Variants in SMARCA1 observed in about 807,000 individuals in gnomAD.
SMARCA1 encodes the protein SWI/SNF-related matrix-associated actin-dependent regulator of chromatin subfamily A member 1.
SMARCA1 carries 17 observed loss-of-function variants against 93.6 expected under a neutral mutation model. That is an observed-to-expected ratio of 0.18 (90% CI 0.12 to 0.27). SMARCA1 has a LOEUF of 0.27. Ranked by LOEUF, SMARCA1 falls within the 10% of genes least tolerant of loss-of-function variation. The pLI is 1.00. For synonymous variants in SMARCA1, 271 were observed against 271.4 expected (o/e 1.00, Z 0.01); for missense variants, 630 against 819.0 (o/e 0.77, Z 2.82).
intron 19 of SMARCA1, among the ~76,000 whole-genome samples, chrX:129,478,762 G>C (rs1484761137): frequency 1.8e-5 from 2 of 112,263 alleles, no homozygotes; most frequent in Admixed American, 1.9e-4. Flanking sequence ...AGTTATATCA[G>C]AGATGATTTT....
At chrX:129,504,938 C>A in intron 8 of SMARCA1, 136 bp from the exon 9 acceptor site, 1 of 432,653 alleles carries the variant, frequency 2.3e-6, no homozygotes, top group Non-Finnish European at 4.0e-6. Context: ...GCTGTGATAG[C>A]TACTATTATT....
chrX:129,491,753 T>C (rs1934138613), intron 14 of SMARCA1, among the ~76,000 whole-genome samples, 188 bp downstream of exon 14: 1 of 112,138 alleles, frequency 8.9e-6, no homozygotes, highest in South Asian at 3.7e-4. Context: ...GGTGTGTTTG[T>C]TGTTCGCTTT....
chrX:129,466,401 T>G (rs1349362736), intron 21 of SMARCA1, among the ~76,000 whole-genome samples: 1 of 111,716 alleles, frequency 9.0e-6, no homozygotes, highest in Non-Finnish European at 1.9e-5. Context: ...CACACTGTAA[T>G]CCCAGCACTT....
intron 10 of SMARCA1, among the ~76,000 whole-genome samples, chrX:129,499,015 T>C (rs1296859425): frequency 9.1e-6 from 1 of 109,815 alleles, no homozygotes; most frequent in Non-Finnish European, 1.9e-5. Context: ...ATGGTTATAA[T>C]TATTTTCACT....
chrX:129,501,543 G>A lies in SMARCA1; in HGVS notation c.1168-1702C>T, dbSNP rs376610265. ...ACTCCTGAGCTCAGGCAATCTGCCC[G>A]CCTCGACCTCCCAAAGTGCTAGGAT... On this transcript the variant is annotated intron_variant, in intron 9 of 24. Transcript: ENST00000371121. Among the ~76,000 whole-genome samples the A allele has an allele frequency of 5.5e-5, 6 of 109,493 alleles. No homozygotes were observed. In the East Asian group the frequency reaches 8.7e-4, roughly 16 times the overall value.
In SMARCA1 at chrX:129,497,914, C is replaced by T; in HGVS notation, c.1435G>A (p.Glu479Lys). The T allele has an allele frequency of 1.7e-6, 2 of 1,209,285 alleles. No homozygotes were observed. Among genetic ancestry groups the T allele is most frequent in the Non-Finnish European group, 2.2e-6 (2 of 893,324 alleles). Residue 479 changes from glutamate to lysine, a missense_variant, in exon 11 of 25, where the codon GAG (glutamate) becomes AAG (lysine). By Grantham distance (56) the Glu-to-Lys change is moderately conservative (BLOSUM62 1). This residue lies in a region of SMARCA1 where 382 missense variants were observed against 537.9 expected (regional missense o/e 0.71). Coordinates refer to ENST00000371121, the MANE Select transcript of SMARCA1 (RefSeq NM_001282874.2). ...TTACCACTGTTGCTGACAATATGCT[C>T]ATCAGTGGTATAAGGTGGACCAGGT... ...AEPGPPYTTDEHIVSNSGKMV... is the reference protein window; with the variant it reads ...AEPGPPYTTDKHIVSNSGKMV...
intron 8 of SMARCA1, among the ~76,000 whole-genome samples, chrX:129,505,559 T>C (rs1191532350): frequency 9.0e-6 from 1 of 110,745 alleles, no homozygotes; most frequent in African/African-American, 3.3e-5. Context: ...ACCAAAGTTC[T>C]TAAATCTTTC....
At chrX:129,456,584 A>G (rs1932634697) in intron 23 of SMARCA1, among the ~76,000 whole-genome samples, 2 of 112,451 alleles carry the variant, frequency 1.8e-5, no homozygotes, top group African/African-American at 6.5e-5. Context: ...AACATTCGTG[A>G]TTTATGGAAG....
chrX:129,471,388 TATAC>T lies in SMARCA1; in HGVS notation c.2443-66_2443-63del. Reference sequence around the variant, plus strand: ...AGAAAAATTAATTACTAAGGCTGTATATACACATATCAATCTTTAGAGTTATTTC... The same window carrying T: ...AGAAAAATTAATTACTAAGGCTGTATACATATCAATCTTTAGAGTTATTTC... On this transcript the variant is annotated intron_variant, in intron 19 of 24. Coordinates refer to ENST00000371121, the MANE Select transcript of SMARCA1 (RefSeq NM_001282874.2). The T allele has an allele frequency of 4.1e-6, 3 of 734,666 alleles. No homozygotes were observed. The South Asian group carries it at 9.0e-5, about 22-fold the overall frequency. The allele number at this position is 734,666 out of a possible 1,213,427, so 60.5% of individuals were successfully genotyped here. A position where few individuals can be genotyped will look rare whatever the true frequency, so the allele number is the denominator to read the frequency against.
intron 21 of SMARCA1, 55 bp from the exon 22 acceptor site, chrX:129,466,017 G>C: frequency 1.8e-6 from 1 of 570,394 alleles, no homozygotes; most frequent in Non-Finnish European, 2.8e-6. Flanking sequence ...ATAAATCCAA[G>C]GAATTGTAGA....
At chrX:129,490,615 A>G (rs765208632) in intron 14 of SMARCA1, among the ~76,000 whole-genome samples, 3 of 112,126 alleles carry the variant, frequency 2.7e-5, no homozygotes, top group Non-Finnish European at 3.8e-5. Flanking sequence ...TGCAGTAAAG[A>G]GTTATAAAAA....
chrX:129,504,735 G>T lies in SMARCA1; in HGVS notation c.1166C>A (p.Ala389Glu). 8.5e-7 allele frequency: 1 copy of T among 1,175,824 alleles called. No individual in the cohort carries two copies. The highest frequency in any genetic ancestry group is 1.2e-6 in the Non-Finnish European group (1 of 864,248). The change falls in exon 9 of 25, where the codon GCA becomes GAA. Residue 389 changes from alanine (A) to glutamate (E), a missense_variant and splice_region_variant. Physicochemically the swap from Ala to Glu is moderately radical, Grantham distance 107. Transcript: ENST00000371121. Reference protein sequence around the residue: ...GDQKLVERLHAVLKPFLLRRI... With the variant: ...GDQKLVERLHEVLKPFLLRRI... ...ATGTTCTTGTCTGCTATTACTTACT[G>T]CATGAAGTCTTTCCACGAGTTTTTG...
At chrX:129,452,212 A>AC (rs1185795840) in intron 23 of SMARCA1, among the ~76,000 whole-genome samples, 16 of 112,387 alleles carry the variant, frequency 1.4e-4, no homozygotes, top group Non-Finnish European at 2.8e-4. Context: ...CCTTTCATAT[A>AC]TTCTCCTAGA....
intron 19 of SMARCA1, among the ~76,000 whole-genome samples, chrX:129,476,614 G>A (rs1933395543): frequency 9.0e-6 from 1 of 111,240 alleles, no homozygotes; most frequent in Non-Finnish European, 1.9e-5. Context: ...AATCCTTTAG[G>A]CAGAAAAGGG....
chrX:129,509,188 C>CAAA (rs10706195), intron 6 of SMARCA1, among the ~76,000 whole-genome samples: 1 of 69,616 alleles, frequency 1.4e-5, no homozygotes. Flanking sequence ...GAGTCCGTCT[C>CAAA]AAAAAAAAAA....
chrX:129,481,101 G>A lies in SMARCA1; in HGVS notation c.2302C>T (p.Arg768Cys), dbSNP rs1011900696. Residue 768 changes from arginine (R) to cysteine (C), a missense_variant, in exon 18 of 25, where the codon CGT becomes TGT. Coordinates refer to ENST00000371121, the MANE Select transcript of SMARCA1 (RefSeq NM_001282874.2). Reference protein sequence around the residue: ...AVDAYFREALRVSEPKIPKAP... With the variant: ...AVDAYFREALCVSEPKIPKAP... ...TTTGGAATCTTTGGCTCGCTGACACGCAAAGCCTCTCTAAAGTAGGCATCC... is the reference window on the plus strand; with the variant it reads ...TTTGGAATCTTTGGCTCGCTGACACACAAAGCCTCTCTAAAGTAGGCATCC... 36 of 1,200,601 alleles carry A rather than the reference G, an allele frequency of 3.0e-5. No individual in the cohort carries two copies. The highest frequency in any genetic ancestry group is 2.3e-4 in the Middle Eastern group (1 of 4,355).
intron 1 of SMARCA1, among the ~76,000 whole-genome samples, chrX:129,519,922 G>C (rs759702539): frequency 1.1e-4 from 12 of 111,382 alleles, no homozygotes; most frequent in Non-Finnish European, 2.1e-4. Flanking sequence ...ATAATAATGT[G>C]GGAAGTACAC....
At chrX:129,466,907 A>G (rs1454132143) in intron 21 of SMARCA1, among the ~76,000 whole-genome samples, 1 of 110,372 alleles carries the variant, frequency 9.1e-6, no homozygotes, top group African/African-American at 3.3e-5. Flanking sequence ...AAGTCACTCA[A>G]CCAAATTTTA....
chrX:129,514,431 T>TTCCAAA (rs1297506385), intron 5 of SMARCA1, among the ~76,000 whole-genome samples: 1 of 112,819 alleles, frequency 8.9e-6, no homozygotes, highest in Non-Finnish European at 1.9e-5. Flanking sequence ...CTTCACTGAT[T>TTCCAAA]TCCAAAGCCC....
Sources: allele counts gnomAD v4.1 joint callset (sites outside exome capture counted in the v4.1 genomes callset), GRCh38; gene constraint gnomAD v4.1.1; regional missense constraint gnomAD v4.1.1; transcripts MANE v1.5; gene names NCBI Gene and HGNC (gene_info 2026-07-23, HGNC 2026-07-21).